The following HEBP2 variants were observed in gnomAD, a reference collection of about 807,000 sequenced individuals.
HEBP2 encodes heme binding protein 2, also known as heme-binding protein 2.
In HEBP2, 27 loss-of-function variants were observed where a neutral mutation model predicts 23.1. The ratio of observed to expected loss-of-function variants is 1.17; its 90% confidence interval spans 0.86 to 1.61. The LOEUF is 1.61. Ranked by LOEUF, HEBP2 falls within the 40% of genes most tolerant of loss-of-function variation. HEBP2 has a pLI of 0.00. For synonymous variants in HEBP2, 99 were observed against 95.1 expected, an observed-to-expected ratio of 1.04 and a Z score of -0.24; for missense variants, 245 against 253.8, an observed-to-expected ratio of 0.97 and a Z score of 0.24.
In HEBP2 at chr6:138,413,161, G is replaced by A; in HGVS notation, c.*83G>A. ...AACATGACCTATAAGTAAAGTGCGT[G>A]TCTAGTGTCTTCTATTGAGAGTACT... On this transcript the variant is annotated 3_prime_UTR_variant, in exon 4 of 4. Transcript: ENST00000607197. The A allele has an allele frequency of 9.8e-7, 1 of 1,023,740 alleles. No homozygotes were observed. Among genetic ancestry groups the A allele is most frequent in the Non-Finnish European group, 1.5e-6 (1 of 668,066 alleles). 63.4% of individuals were successfully genotyped at this position (1,023,740 alleles called of 1,614,324 possible).
At position 138,421,577 on chromosome 6, in the gene HEBP2, G is replaced by C. The variant is rs1189419452; in HGVS notation, c.*8499G>C. 6.6e-6 allele frequency: 1 copy of C among 151,806 alleles called. No individual in the cohort carries two copies. The highest frequency in any genetic ancestry group is 1.5e-5 in the Non-Finnish European group (1 of 67,930). The allele number at this position is 151,806 out of a possible 1,614,324, so 9.4% of individuals were successfully genotyped here. A position where few individuals can be genotyped will look rare whatever the true frequency, so the allele number is the denominator to read the frequency against. On this transcript the variant is annotated 3_prime_UTR_variant, in exon 4 of 4. Transcript: ENST00000607197. Reference sequence around the variant, plus strand: ...CTTCTGTGATTATCTGGAACTTAAAGTATGAGGGTATGAGAGCCATCAGAT... The same window carrying C: ...CTTCTGTGATTATCTGGAACTTAAACTATGAGGGTATGAGAGCCATCAGAT...
At position 138,414,479 on chromosome 6, in the gene HEBP2, A is replaced by G. The variant is rs573063990; in HGVS notation, c.*1401A>G. On this transcript the variant is annotated 3_prime_UTR_variant, in exon 4 of 4. Transcript: ENST00000607197. The stretch of plus-strand genomic sequence containing the variant: ...TGGTACTTAATTGCTACTGTGGCCA[A>G]AGGATGGTCAGTTTTATTCAGGATT... 6.6e-6 allele frequency: 1 copy of G among 152,300 alleles called. No homozygotes were observed. The highest frequency in any genetic ancestry group is 2.4e-5 in the African/African-American group (1 of 41,548). The allele number at this position is 152,300 out of a possible 1,614,324, so 9.4% of individuals were successfully genotyped here. A position where few individuals can be genotyped will look rare whatever the true frequency, so the allele number is the denominator to read the frequency against.
chr6:138,404,190 T>C, upstream of HEBP2: 1 of 273,294 alleles, frequency 3.7e-6, no homozygotes. Flanking sequence ...CGGAAGTGCC[T>C]CAAAAGAAGG....
chr6:138,415,983 C>G lies in HEBP2; in HGVS notation c.*2905C>G, dbSNP rs935680973. 2 of 152,306 alleles carry G rather than the reference C, an allele frequency of 1.3e-5. No homozygotes were observed. Among genetic ancestry groups the G allele is most frequent in the African/African-American group, 2.4e-5 (1 of 41,440 alleles). The allele number at this position is 152,306 out of a possible 1,614,324, so 9.4% of individuals were successfully genotyped here. On this transcript the variant is annotated 3_prime_UTR_variant, in exon 4 of 4. Coordinates refer to ENST00000607197, the MANE Select transcript of HEBP2 (RefSeq NM_014320.3). ...CTCAGGACTGGTCCCTCCCCTTCTC[C>G]TGGCTACCAGGCCTATAACGAGACT...
intron 1 of HEBP2, 151 bp from the exon 2 acceptor site, chr6:138,404,994 A>G: frequency 2.8e-6 from 2 of 725,498 alleles, no homozygotes; most frequent in Non-Finnish European, 4.4e-6. Flanking sequence ...TCCCAGACCT[A>G]AGGAGCGGGG....
At chr6:138,410,140 C>T (rs891195257) in intron 3 of HEBP2, among the ~76,000 whole-genome samples, 1 of 152,176 alleles carries the variant, frequency 6.6e-6, no homozygotes, top group African/African-American at 2.4e-5. Context: ...TATTCTTCTT[C>T]TTCTAAGTAA....
chr6:138,405,066 G>T (rs1411417316), intron 1 of HEBP2, 79 bp from the exon 2 acceptor site: 15 of 1,519,030 alleles, frequency 9.9e-6, no homozygotes, highest in Non-Finnish European at 1.3e-5. Context: ...GTCGACCCGA[G>T]ATCATGGCAC....
intron 1 of HEBP2, among the ~76,000 whole-genome samples, chr6:138,404,834 T>C (rs1774611655): frequency 6.6e-6 from 1 of 152,114 alleles, no homozygotes; most frequent in African/African-American, 2.4e-5. Flanking sequence ...GGGGAGGAAC[T>C]GGTTACGTCC....
At chr6:138,407,345 GAAGAAATGGGAAAA>G (rs763432785) in intron 3 of HEBP2, among the ~76,000 whole-genome samples, 2 of 152,222 alleles carry the variant, frequency 1.3e-5, no homozygotes, top group Non-Finnish European at 2.9e-5. Flanking sequence ...CATTCCAAAG[GAAGAAATGGGAAAA>G]AAGAAATGGG....
At position 138,404,223 on chromosome 6, in the gene HEBP2, C is replaced by T. The variant is rs992566204; in HGVS notation, c.-273C>T. On this transcript the variant is annotated 5_prime_UTR_variant, in exon 1 of 4. Coordinates refer to ENST00000607197, the MANE Select transcript of HEBP2 (RefSeq NM_014320.3). ...AGGCGGGCCGAAGCGAGGTGCGGCT[C>T]CCTGTCGCCGCGGAGGGGCGGGGGC... The T allele has an allele frequency of 1.3e-4, 41 of 308,304 alleles. No homozygotes were observed. The highest frequency in any genetic ancestry group is 2.2e-4 in the Non-Finnish European group (37 of 168,934). 19.1% of individuals were successfully genotyped at this position (308,304 alleles called of 1,614,324 possible).
chr6:138,405,027 G>T, intron 1 of HEBP2, 118 bp from the exon 2 acceptor site: 1 of 1,082,484 alleles, frequency 9.2e-7, no homozygotes, highest in South Asian at 1.6e-5. Context: ...ACCCCGGGGC[G>T]GTGCAGCCCC....
chr6:138,405,822 T>G lies in HEBP2; in HGVS notation c.239-149T>G, dbSNP rs6905513. The G allele has an allele frequency of 2.2e-3, 1,407 of 637,388 alleles. 12 individuals carry two copies. In the African/African-American group the frequency reaches 0.024, roughly 11 times the overall value. 39.5% of individuals were successfully genotyped at this position (637,388 alleles called of 1,614,324 possible). ...TGGGCAGTGAGCAATTGAGTAATTT[T>G]GGCCTTACTGTTTTAAGATGAAAAT... On this transcript the variant is annotated intron_variant, in intron 2 of 3. Transcript: ENST00000607197.
intron 3 of HEBP2, 129 bp from the exon 4 acceptor site, chr6:138,412,751 G>A: frequency 2.6e-6 from 2 of 765,834 alleles, no homozygotes; most frequent in African/African-American, 1.7e-5. Flanking sequence ...ACCTCGCCTG[G>A]CCGAGAGGGA....
Position 138,408,379 on chromosome 6 carries a change from G to T in HEBP2, c.419+2228G>T, listed in dbSNP as rs534875857. The stretch of plus-strand genomic sequence containing the variant: ...AAATATCCTATTTCATAACTCACAA[G>T]TTGTACTGTCCACATTACACTGGGA... On this transcript the variant is annotated intron_variant, in intron 3 of 3. Coordinates refer to ENST00000607197, the MANE Select transcript of HEBP2 (RefSeq NM_014320.3). Among the ~76,000 whole-genome samples the T allele has an allele frequency of 2.0e-5, 3 of 152,236 alleles. No individual in the cohort carries two copies. The South Asian group carries it at 6.2e-4, about 32-fold the overall frequency.
Position 138,404,278 on chromosome 6 carries a change from G to A in HEBP2, c.-218G>A, listed in dbSNP as rs868279654. 1 of 331,830 alleles carries A rather than the reference G, an allele frequency of 3.0e-6. No homozygotes were observed. Among genetic ancestry groups the A allele is most frequent in the East Asian group, 4.7e-5 (1 of 21,420 alleles). The allele number at this position is 331,830 out of a possible 1,614,324, so 20.6% of individuals were successfully genotyped here. A position where few individuals can be genotyped will look rare whatever the true frequency, so the allele number is the denominator to read the frequency against. ...CGCGCAACTCCGGCCGGAGCTGTCC[G>A]GGGTCGTGAGCCGGCCCCGCCTTGG... On this transcript the variant is annotated 5_prime_UTR_variant, in exon 1 of 4. Transcript: ENST00000607197.
chr6:138,405,318 A>G, intron 2 of HEBP2, 38 bp downstream of exon 2: 4 of 1,612,330 alleles, frequency 2.5e-6, no homozygotes, highest in Non-Finnish European at 3.4e-6. Context: ...CATATTGTGA[A>G]AGAGTCCCCG....
At chr6:138,409,103 T>C (rs1774701297) in intron 3 of HEBP2, among the ~76,000 whole-genome samples, 1 of 152,086 alleles carries the variant, frequency 6.6e-6, no homozygotes, top group South Asian at 2.1e-4. Context: ...CATAGCTCAC[T>C]GCAGCCTGGA....
rs550131570 is a variant in HEBP2, at chr6:138,412,018, T to G, written c.420-862T>G. 313 of 435,810 alleles carry G rather than the reference T, an allele frequency of 7.2e-4. 2 individuals are homozygous for G. The highest frequency in any genetic ancestry group is 4.3e-3 in the South Asian group (262 of 61,386). The allele number at this position is 435,810 out of a possible 1,614,324, so 27.0% of individuals were successfully genotyped here. On this transcript the variant is annotated intron_variant, in intron 3 of 3. Coordinates refer to ENST00000607197, the MANE Select transcript of HEBP2 (RefSeq NM_014320.3). Reference sequence around the variant, plus strand: ...AACGTTGATCTCTTCCATTGGATCATAAATTCAGAGAGGTGAAAACTGTAT... The same window carrying G: ...AACGTTGATCTCTTCCATTGGATCAGAAATTCAGAGAGGTGAAAACTGTAT...
chr6:138,405,055 G>A (rs1189081602), intron 1 of HEBP2, 90 bp from the exon 2 acceptor site: 15 of 1,449,182 alleles, frequency 1.0e-5, no homozygotes, highest in Non-Finnish European at 1.4e-5. Context: ...GACGGCTCCA[G>A]GTCGACCCGA....
Sources: gnomAD v4.1 joint callset for allele counts (sites outside exome capture counted in the v4.1 genomes callset) on GRCh38, gnomAD v4.1.1 for gene constraint, MANE v1.5 for transcripts, NCBI Gene and HGNC (gene_info 2026-07-23, HGNC 2026-07-21) for gene names.